The following ANKFN1 variants were observed in gnomAD, a reference collection of about 807,000 sequenced individuals.
ANKFN1 encodes the protein ankyrin repeat and fibronectin type-III domain-containing protein 1.
ANKFN1 carries 74 observed loss-of-function variants against 108.7 expected under a neutral mutation model. That is an observed-to-expected ratio of 0.68 (90% CI 0.56 to 0.83). The LOEUF is 0.83. Among genes scored for constraint, ANKFN1 ranks in the 40% least tolerant of loss-of-function variants. The pLI is 0.00. For missense variants in ANKFN1, 1,505 were observed against 1,382.3 expected, an observed-to-expected ratio of 1.09 and a Z score of -1.41; for synonymous variants, 547 against 516.2, an observed-to-expected ratio of 1.06 and a Z score of -0.81.
chr17:56,387,157 G>A lies in ANKFN1; in HGVS notation c.910+12443G>A, dbSNP rs1380549193. Among the ~76,000 whole-genome samples the A allele has an allele frequency of 4.0e-5, 6 of 151,874 alleles. No individual in the cohort carries two copies. In the East Asian group the frequency reaches 9.6e-4, roughly 24 times the overall value. On this transcript the variant is annotated intron_variant, in intron 8 of 20. Coordinates refer to ENST00000682825, the MANE Select transcript of ANKFN1 (RefSeq NM_001370326.1). Reference sequence around the variant, plus strand: ...TTATTTTCTATTTTATTAATTTTGGGTTTAATGTTACCAATTCCTGCTACT... The same window carrying A: ...TTATTTTCTATTTTATTAATTTTGGATTTAATGTTACCAATTCCTGCTACT...
intron 2 of ANKFN1, among the ~76,000 whole-genome samples, chr17:56,221,314 G>A (rs1038613045): frequency 7.0e-6 from 1 of 142,624 alleles, no homozygotes; most frequent in African/African-American, 2.7e-5. Context: ...TTTGAGTGGG[G>A]CACACATCCA....
chr17:56,140,324 G>A (rs1907844303), intron 4 of ANKFN1, among the ~76,000 whole-genome samples: 2 of 152,100 alleles, frequency 1.3e-5, no homozygotes, highest in African/African-American at 4.8e-5. Flanking sequence ...TAAGCCAAGT[G>A]TGGGTTAAAT....
At chr17:56,270,237 A>G (rs572465398) in intron 3 of ANKFN1, among the ~76,000 whole-genome samples, 3 of 152,302 alleles carry the variant, frequency 2.0e-5, no homozygotes, top group Admixed American at 6.5e-5. Flanking sequence ...CCGAGGCTCC[A>G]TAGTCACGGG....
At chr17:56,376,195 G>C (rs2046943456) in intron 8 of ANKFN1, among the ~76,000 whole-genome samples, 1 of 152,066 alleles carries the variant, frequency 6.6e-6, no homozygotes, top group African/African-American at 2.4e-5. Context: ...TGTCCCTCTG[G>C]GGAACTTCAT....
chr17:56,325,496 G>A (rs1014741330), intron 3 of ANKFN1, among the ~76,000 whole-genome samples: 3 of 152,180 alleles, frequency 2.0e-5, no homozygotes, highest in Admixed American at 1.3e-4. Flanking sequence ...ATACCCATAT[G>A]TGTCTGGCAT....
At chr17:56,385,492 C>T (rs1428893676) in intron 8 of ANKFN1, among the ~76,000 whole-genome samples, 1 of 152,126 alleles carries the variant, frequency 6.6e-6, no homozygotes, top group African/African-American at 2.4e-5. Context: ...AACTAAAGAG[C>T]TTCTGCACAG....
At chr17:56,461,428 T>G (rs867373056) in intron 14 of ANKFN1, among the ~76,000 whole-genome samples, 1 of 152,204 alleles carries the variant, frequency 6.6e-6, no homozygotes, top group Non-Finnish European at 1.5e-5. Context: ...TTTCACACTG[T>G]TCCGATTTTC....
At chr17:56,250,019 C>T (rs568136821) in intron 3 of ANKFN1, among the ~76,000 whole-genome samples, 16 of 152,202 alleles carry the variant, frequency 1.1e-4, no homozygotes, top group Middle Eastern at 3.4e-3. Flanking sequence ...AAGGTAAAGA[C>T]GTTGGAGCCC....
chr17:56,100,030 C>T (rs767704537), intron 4 of ANKFN1, among the ~76,000 whole-genome samples: 7 of 152,130 alleles, frequency 4.6e-5, no homozygotes, highest in African/African-American at 9.7e-5. Flanking sequence ...ACAAAGAAAG[C>T]GGCAACAAAC....
intron 3 of ANKFN1, among the ~76,000 whole-genome samples, chr17:56,266,436 A>G (rs1485302389): frequency 1.3e-5 from 2 of 152,068 alleles, no homozygotes; most frequent in African/African-American, 4.8e-5. Context: ...CCCTATTCTC[A>G]TCTTTCTCCA....
chr17:56,201,016 A>G (rs779627172), intron 1 of ANKFN1, among the ~76,000 whole-genome samples: 26 of 152,322 alleles, frequency 1.7e-4, no homozygotes, highest in African/African-American at 3.4e-4. Context: ...TACTGCAATC[A>G]TCTTCTAATG....
intron 1 of ANKFN1, among the ~76,000 whole-genome samples, chr17:56,171,614 A>G (rs1287427419): frequency 6.6e-6 from 1 of 152,194 alleles, no homozygotes; most frequent in Non-Finnish European, 1.5e-5. Context: ...GGGGACTGGC[A>G]TTTCACTTTG....
chr17:56,363,982 G>T (rs1183061401), intron 6 of ANKFN1, among the ~76,000 whole-genome samples: 1 of 152,082 alleles, frequency 6.6e-6, no homozygotes, highest in African/African-American at 2.4e-5. Flanking sequence ...TCTCAGACAG[G>T]AGAAATAATT....
Position 56,295,646 on chromosome 17 carries a change from A to G in ANKFN1, c.54-30575A>G, listed in dbSNP as rs78575937. The stretch of plus-strand genomic sequence containing the variant: ...TGTGTGTGTGTTCAGTTACTGTCTT[A>G]GTCAGTTTTGTGCTGCTATAACAGA... On this transcript the variant is annotated intron_variant, in intron 3 of 20. Transcript: ENST00000682825. Among the ~76,000 whole-genome samples, 5 of 152,312 alleles carry G rather than the reference A, an allele frequency of 3.3e-5. No individual in the cohort carries two copies. In the East Asian group the frequency reaches 9.6e-4, roughly 29 times the overall value.
chr17:56,220,819 G>T lies in ANKFN1; in HGVS notation c.13-7098G>T, dbSNP rs903675554. 4.4e-5 allele frequency among the ~76,000 whole-genome samples: 2 copies of T among 45,262 alleles called. 1 individual carries two copies. The highest frequency in any genetic ancestry group is 5.1e-4 in the Admixed American group (2 of 3,950). 29.7% of individuals were successfully genotyped at this position (45,262 alleles called of 152,430 possible). A position where few individuals can be genotyped will look rare whatever the true frequency, so the allele number is the denominator to read the frequency against. ...GGAAGGGAGGGAGGGAGGAAGGAAG[G>T]AAGGAAGGAAGGGAGGAAGGGAGGG... On this transcript the variant is annotated intron_variant, in intron 2 of 20. Transcript: ENST00000682825.
At chr17:56,366,961 C>T (rs2046679285) in intron 6 of ANKFN1, among the ~76,000 whole-genome samples, 2 of 152,154 alleles carry the variant, frequency 1.3e-5, no homozygotes, top group South Asian at 4.1e-4. Context: ...GAGTTCCCCT[C>T]ATGTAGGAAA....
chr17:56,373,743 A>G (rs991683708), intron 7 of ANKFN1, among the ~76,000 whole-genome samples: 2 of 152,124 alleles, frequency 1.3e-5, no homozygotes, highest in African/African-American at 4.8e-5. Context: ...CAACATCAAC[A>G]CTCTCCAGCA....
intron 1 of ANKFN1, among the ~76,000 whole-genome samples, chr17:56,194,525 T>A (rs1913315725): frequency 6.6e-6 from 1 of 152,194 alleles, no homozygotes. Context: ...ATTCCAACTA[T>A]ATGACTTTCT....
chr17:56,475,090 C>A (rs1432788837), intron 15 of ANKFN1, among the ~76,000 whole-genome samples: 2 of 152,098 alleles, frequency 1.3e-5, no homozygotes, highest in Admixed American at 1.3e-4. Flanking sequence ...ATGTTGTGTA[C>A]CTATTTTATA....
Sources: gnomAD v4.1 joint callset for allele counts (sites outside exome capture counted in the v4.1 genomes callset) on GRCh38, gnomAD v4.1.1 for gene constraint, MANE v1.5 for transcripts, NCBI Gene and HGNC (gene_info 2026-07-23, HGNC 2026-07-21) for gene names.